TMEM200A: variants seen among roughly 807,000 people sequenced by gnomAD.
TMEM200A encodes two transmembrane C.
TMEM200A carries 12 observed loss-of-function variants against 24.3 expected under a neutral mutation model. The observed-to-expected ratio is 0.49, with a 90% confidence interval of 0.32 to 0.80. TMEM200A has a LOEUF of 0.80. Among genes scored for constraint, TMEM200A ranks in the 30% least tolerant of loss-of-function variants. The pLI, the probability that TMEM200A is intolerant of heterozygous loss-of-function variation, is 0.04. For synonymous variants in TMEM200A, 224 were observed against 224.4 expected, an observed-to-expected ratio of 1.00 and a Z score of 0.02; for missense variants, 545 against 614.4, an observed-to-expected ratio of 0.89 and a Z score of 1.19.
At chr6:130,372,511 A>G (rs1000604952) in intron 1 of TMEM200A, among the ~76,000 whole-genome samples, 51 of 152,178 alleles carry the variant, frequency 3.4e-4, no homozygotes, top group Admixed American at 1.7e-3. Flanking sequence ...TTACCTTTAT[A>G]CATACAGATA....
At position 130,440,523 on chromosome 6, in the gene TMEM200A, C is replaced by T. The variant is rs1450396399; in HGVS notation, c.101C>T (p.Thr34Ile). ...QHVNLSPSPATQEKKPIRRRP... is the reference protein window; with the variant it reads ...QHVNLSPSPAIQEKKPIRRRP... ...GTCAACCTCAGCCCGTCTCCTGCTA[C>T]CCAAGAGAAGAAGCCCATCAGGCGC... Residue 34 changes from threonine (T) to isoleucine (I), a missense_variant, in exon 3 of 3, where the codon ACC becomes ATC. By Grantham distance (89) the Thr-to-Ile change is moderately conservative (BLOSUM62 -1). Coordinates refer to ENST00000296978, the MANE Select transcript of TMEM200A (RefSeq NM_001258277.2). The T allele has an allele frequency of 6.2e-7, 1 of 1,614,112 alleles. No individual in the cohort carries two copies. The highest frequency in any genetic ancestry group is 8.5e-7 in the Non-Finnish European group (1 of 1,179,962).
At chr6:130,420,414 A>G (rs909795734) in intron 2 of TMEM200A, among the ~76,000 whole-genome samples, 1 of 152,134 alleles carries the variant, frequency 6.6e-6, no homozygotes, top group African/African-American at 2.4e-5. Context: ...GCTATCTGGA[A>G]GGTTGTTGGT....
At chr6:130,395,302 G>C (rs1375651888) in intron 2 of TMEM200A, among the ~76,000 whole-genome samples, 21 of 152,144 alleles carry the variant, frequency 1.4e-4, no homozygotes, top group Admixed American at 1.4e-3. Context: ...TTTCCCAAGT[G>C]GGATGGAACC....
chr6:130,435,582 A>C (rs1327783587), intron 2 of TMEM200A, among the ~76,000 whole-genome samples: 1 of 152,230 alleles, frequency 6.6e-6, no homozygotes, highest in Admixed American at 6.5e-5. Flanking sequence ...TCTTTGCTCT[A>C]TACTTTCTTC....
rs558124891 is a variant in TMEM200A at position 130,412,557 on chromosome 6, T to G, written c.-17+27321T>G. On this transcript the variant is annotated intron_variant, in intron 2 of 2. Transcript: ENST00000296978. ...GCCTAGACACCCCCACTCCCCTTCC[T>G]GTGGAGACACCCTCTTTACCCAGCT... Among the ~76,000 whole-genome samples the G allele has an allele frequency of 1.2e-4, 19 of 152,280 alleles. No homozygotes were observed. In the South Asian group the frequency reaches 3.9e-3, roughly 32 times the overall value.
At chr6:130,393,745 C>CT (rs1778889727) in intron 2 of TMEM200A, among the ~76,000 whole-genome samples, 1 of 152,184 alleles carries the variant, frequency 6.6e-6, no homozygotes, top group African/African-American at 2.4e-5. Context: ...TTTCTCAGCA[C>CT]TGTAGAGATG....
At chr6:130,400,194 G>T (rs1453067014) in intron 2 of TMEM200A, among the ~76,000 whole-genome samples, 1 of 152,034 alleles carries the variant, frequency 6.6e-6, no homozygotes, top group Admixed American at 6.6e-5. Context: ...GTTGTGAATT[G>T]TGCTGCTGTA....
chr6:130,411,944 T>C (rs553524346), intron 2 of TMEM200A, among the ~76,000 whole-genome samples: 8 of 151,920 alleles, frequency 5.3e-5, no homozygotes, highest in Non-Finnish European at 1.2e-4. Context: ...ATGTATACGT[T>C]TGTTTGTTTA....
intron 1 of TMEM200A, among the ~76,000 whole-genome samples, chr6:130,381,635 G>A (rs893368409): frequency 2.0e-5 from 3 of 152,202 alleles, no homozygotes; most frequent in Admixed American, 2.0e-4. Flanking sequence ...AGAACATTGA[G>A]TGCGGGCTCA....
chr6:130,418,497 T>C (rs200584148), intron 2 of TMEM200A, among the ~76,000 whole-genome samples: 1 of 152,200 alleles, frequency 6.6e-6, no homozygotes, highest in East Asian at 1.9e-4. Context: ...TTCAGTCTAG[T>C]TCATAGCAAC....
intron 1 of TMEM200A, among the ~76,000 whole-genome samples, chr6:130,378,675 A>T (rs113741954): frequency 2.0e-5 from 3 of 149,748 alleles, no homozygotes; most frequent in African/African-American, 7.4e-5. Context: ...GTGAGCCAAG[A>T]TCGTGCCACT....
At chr6:130,430,279 G>A (rs1188502465) in intron 2 of TMEM200A, among the ~76,000 whole-genome samples, 6 of 151,886 alleles carry the variant, frequency 4.0e-5, no homozygotes, top group African/African-American at 1.5e-4. Context: ...ATCCCATCAT[G>A]GACTCTACCC....
chr6:130,384,170 G>A (rs1348499603), intron 1 of TMEM200A, among the ~76,000 whole-genome samples: 3 of 152,080 alleles, frequency 2.0e-5, no homozygotes, highest in Admixed American at 1.3e-4. Context: ...CTTTCTCAAC[G>A]TTGTCAGTTG....
intron 2 of TMEM200A, among the ~76,000 whole-genome samples, chr6:130,411,380 T>C (rs1779327174): frequency 6.6e-6 from 1 of 152,194 alleles, no homozygotes; most frequent in African/African-American, 2.4e-5. Flanking sequence ...GAAAGTAACT[T>C]GCTCTCACCT....
At chr6:130,433,115 T>C (rs1242335617) in intron 2 of TMEM200A, among the ~76,000 whole-genome samples, 2 of 151,762 alleles carry the variant, frequency 1.3e-5, no homozygotes, top group Non-Finnish European at 2.9e-5. Context: ...AAAACAATTA[T>C]GCTACATGCT....
At chr6:130,414,363 T>C (rs1371589493) in intron 2 of TMEM200A, among the ~76,000 whole-genome samples, 2 of 134,938 alleles carry the variant, frequency 1.5e-5, no homozygotes, top group African/African-American at 5.8e-5. Context: ...ACCCAGGAGG[T>C]GGAGGTTGCA....
chr6:130,426,579 G>A (rs1174634762), intron 2 of TMEM200A, among the ~76,000 whole-genome samples: 5 of 151,704 alleles, frequency 3.3e-5, no homozygotes, highest in Non-Finnish European at 5.9e-5. Context: ...GAAAGAAGCC[G>A]TTTCCATCTG....
intron 2 of TMEM200A, among the ~76,000 whole-genome samples, chr6:130,440,038 G>A (rs2115237532): frequency 6.6e-6 from 1 of 151,634 alleles, no homozygotes; most frequent in Admixed American, 6.6e-5. Context: ...GTGTGTGTGT[G>A]TGTGAGAGAG....
At chr6:130,369,939 A>G (rs1005888081) in intron 1 of TMEM200A, among the ~76,000 whole-genome samples, 1 of 152,228 alleles carries the variant, frequency 6.6e-6, no homozygotes, top group African/African-American at 2.4e-5. Context: ...GTGTTCATGT[A>G]GAAGGGAGTT....
Sources: allele counts gnomAD v4.1 joint callset (sites outside exome capture counted in the v4.1 genomes callset), GRCh38; gene constraint gnomAD v4.1.1; transcripts MANE v1.5; gene names NCBI Gene and HGNC (gene_info 2026-07-23, HGNC 2026-07-21).